The following DNAH9 variants were observed in gnomAD, a reference collection of about 807,000 sequenced individuals.
DNAH9 encodes dynein axonemal heavy chain 9, also known as DNAH9 variant protein.
In DNAH9, 345 loss-of-function variants were observed where a neutral mutation model predicts 471.6. The ratio of observed to expected loss-of-function variants is 0.73; its 90% CI spans 0.67 to 0.80. The LOEUF (loss-of-function observed/expected upper bound fraction) is 0.80. Among genes scored for constraint, DNAH9 ranks in the 30% least tolerant of loss-of-function variants. DNAH9 has a pLI of 0.00. For synonymous variants in DNAH9, 2,093 were observed against 2,123.6 expected, an observed-to-expected ratio of 0.99 and a Z score of 0.40; for missense variants, 5,407 against 5,609.2, an observed-to-expected ratio of 0.96 and a Z score of 1.15.
At chr17:11,849,698 G>A (rs1010974710) in intron 49 of DNAH9, among the ~76,000 whole-genome samples, 4 of 152,138 alleles carry the variant, frequency 2.6e-5, no homozygotes, top group African/African-American at 9.7e-5. Context: ...AACTAATGTG[G>A]CATCATCACA....
intron 10 of DNAH9, among the ~76,000 whole-genome samples, chr17:11,644,141 T>C (rs963061714): frequency 6.6e-6 from 1 of 152,136 alleles, no homozygotes; most frequent in Admixed American, 6.5e-5. Flanking sequence ...CGTTGCACCA[T>C]GTCAACAGGC....
intron 49 of DNAH9, among the ~76,000 whole-genome samples, chr17:11,852,814 G>GTGTGTGTATATATA (rs1169950713): frequency 5.4e-5 from 5 of 92,674 alleles, no homozygotes; most frequent in African/African-American, 7.7e-5. Context: ...GTGTGTGTGT[G>GTGTGTGTATATATA]TATATATATA....
At chr17:11,702,539 G>C (rs989349630) in intron 24 of DNAH9, among the ~76,000 whole-genome samples, 1 of 152,204 alleles carries the variant, frequency 6.6e-6, no homozygotes, top group Non-Finnish European at 1.5e-5. Context: ...AGAGCCAGAG[G>C]AGGAGGAAGG....
At chr17:11,786,706 G>A (rs1968881838) in intron 41 of DNAH9, among the ~76,000 whole-genome samples, 2 of 152,240 alleles carry the variant, frequency 1.3e-5, no homozygotes, top group South Asian at 4.1e-4. Context: ...TGCTGTGGAG[G>A]TAATTCACGG....
chr17:11,925,130 TATGAC>T, intron 62 of DNAH9: 1 of 449,554 alleles, frequency 2.2e-6, no homozygotes. Flanking sequence ...TGGTTTATTT[TATGAC>T]TGTATTCTCC....
intron 36 of DNAH9, among the ~76,000 whole-genome samples, chr17:11,765,649 A>G (rs1967903212): frequency 6.6e-6 from 1 of 152,166 alleles, no homozygotes; most frequent in African/African-American, 2.4e-5. Flanking sequence ...AGGATACATG[A>G]GCCAGGAGTT....
At chr17:11,783,579 C>A in intron 39 of DNAH9, 67 bp from the exon 40 acceptor site, 2 of 1,271,136 alleles carry the variant, frequency 1.6e-6, no homozygotes, top group South Asian at 1.3e-5. Flanking sequence ...TCCTACCGCA[C>A]CTTGACAAAG....
rs545612190 is a variant in DNAH9, at chr17:11,886,848, A to C, written c.10995A>C (p.Glu3665Asp). Residue 3665 changes from glutamate (E) to aspartate (D), a missense_variant, in exon 57 of 69, where the codon GAA becomes GAC. Glu to Asp is a conservative substitution (Grantham distance 45, BLOSUM62 2). Transcript: ENST00000262442. ...EKKVQEAKVT[E>D]VKINEAREHY... ...AGGTCCAGGAGGCCAAGGTGACTGA[A>C]GTGAAAATCAACGAGGCCCGAGAGC... The C allele has an allele frequency of 1.2e-5, 19 of 1,612,142 alleles. No homozygotes were observed. The African/African-American group carries it at 2.0e-4, about 17-fold the overall frequency.
At chr17:11,726,424 A>C (rs901507567) in intron 27 of DNAH9, among the ~76,000 whole-genome samples, 9 of 152,184 alleles carry the variant, frequency 5.9e-5, no homozygotes, top group African/African-American at 2.2e-4. Flanking sequence ...CGGGTTGAAG[A>C]ATGTGTTTCC....
chr17:11,669,357 C>T lies in DNAH9; in HGVS notation c.2929-13C>T. ...ACTGGTGTAACCTGCCTGCCGTTGT[C>T]TCGCTTCCCCAGGTCGACCTGGACG... On this transcript the variant is annotated splice_polypyrimidine_tract_variant and intron_variant, in intron 16 of 68. Transcript: ENST00000262442. The T allele has an allele frequency of 1.2e-6, 2 of 1,604,644 alleles. No homozygotes were observed. The highest frequency in any genetic ancestry group is 1.1e-5 in the South Asian group (1 of 89,548).
In DNAH9 at chr17:11,636,904, C is replaced by G. The variant is rs896834522; in HGVS notation, c.1786+120C>G. 3.3e-6 allele frequency: 3 copies of G among 922,478 alleles called. No homozygotes were observed. The African/African-American group carries it at 4.9e-5, about 15-fold the overall frequency. 57.1% of individuals were successfully genotyped at this position (922,478 alleles called of 1,614,324 possible). A position where few individuals can be genotyped will look rare whatever the true frequency, so the allele number is the denominator to read the frequency against. On this transcript the variant is annotated intron_variant, in intron 9 of 68. Coordinates refer to ENST00000262442, the MANE Select transcript of DNAH9 (RefSeq NM_001372.4). ...CCATACATTCTCAAAAAAGAGCAAG[C>G]ACAACCTTCTTGCTTGAAATTCCAG...
intron 6 of DNAH9, among the ~76,000 whole-genome samples, chr17:11,627,206 T>C (rs2072984896): frequency 6.6e-6 from 1 of 152,208 alleles, no homozygotes; most frequent in African/African-American, 2.4e-5. Flanking sequence ...TAAGTATCTA[T>C]CTTTTTAAGT....
At chr17:11,946,714 C>G (rs907656906) in intron 67 of DNAH9, among the ~76,000 whole-genome samples, 1 of 149,712 alleles carries the variant, frequency 6.7e-6, no homozygotes, top group Non-Finnish European at 1.5e-5. Flanking sequence ...CTTGTACCCT[C>G]TAAATATATA....
At chr17:11,827,672 G>A (rs1334395907) in intron 48 of DNAH9, among the ~76,000 whole-genome samples, 1 of 143,618 alleles carries the variant, frequency 7.0e-6, no homozygotes, top group Non-Finnish European at 1.5e-5. Flanking sequence ...AAAGTCCTTG[G>A]GATCATCCTT....
chr17:11,738,275 A>T (rs951168124), intron 28 of DNAH9, among the ~76,000 whole-genome samples: 2 of 152,192 alleles, frequency 1.3e-5, no homozygotes, highest in Non-Finnish European at 2.9e-5. Flanking sequence ...CACTTCAGCC[A>T]TTACTACAGA....
intron 67 of DNAH9, among the ~76,000 whole-genome samples, chr17:11,946,056 C>T (rs1975108463): frequency 6.6e-6 from 1 of 151,772 alleles, no homozygotes; most frequent in Non-Finnish European, 1.5e-5. Flanking sequence ...AAAAATTAGC[C>T]AGGCGTGGTG....
In DNAH9 at chr17:11,689,964, T is replaced by C. The variant is rs937762438; in HGVS notation, c.4142T>C (p.Ile1381Thr). 6.2e-7 allele frequency: 1 copy of C among 1,613,504 alleles called. No individual in the cohort carries two copies. Residue 1381 changes from isoleucine (I) to threonine (T), a missense_variant, in exon 20 of 69, where the codon ATC (isoleucine) becomes ACC (threonine). Around this residue, in one of 3 missense-constraint regions of DNAH9, gnomAD observed 4,636 missense variants for 4,900.3 expected, o/e 0.95. Transcript: ENST00000262442. ...GTAGCTGAGCTGCAGAATCCAGCCA[T>C]CCGGGAGCGGCACTGGAGGCAGCTG... ...RAVAELQNPAIRERHWRQLMQ... is the reference protein window; with the variant it reads ...RAVAELQNPATRERHWRQLMQ...
At chr17:11,857,583 A>G (rs1971670643) in intron 50 of DNAH9, among the ~76,000 whole-genome samples, 1 of 152,216 alleles carries the variant, frequency 6.6e-6, no homozygotes, top group African/African-American at 2.4e-5. Context: ...AGAATACAGA[A>G]AGTGGGTGGA....
In DNAH9 at chr17:11,784,680, G is replaced by T. The variant is rs1278288769; in HGVS notation, c.8061+141G>T. 5 of 1,211,624 alleles carry T rather than the reference G, an allele frequency of 4.1e-6. No individual in the cohort carries two copies. The African/African-American group carries it at 6.0e-5, about 15-fold the overall frequency. 75.1% of individuals were successfully genotyped at this position (1,211,624 alleles called of 1,614,324 possible). A position where few individuals can be genotyped will look rare whatever the true frequency, so the allele number is the denominator to read the frequency against. ...CATATGTAATCATGAACATAAGCAG[G>T]TACACACAGTGCCATGGGCTCCATG... On this transcript the variant is annotated intron_variant, in intron 41 of 68. Coordinates refer to ENST00000262442, the MANE Select transcript of DNAH9 (RefSeq NM_001372.4).
Sources: allele counts gnomAD v4.1 joint callset (sites outside exome capture counted in the v4.1 genomes callset), GRCh38; gene constraint gnomAD v4.1.1; regional missense constraint gnomAD v4.1.1; transcripts MANE v1.5; gene names NCBI Gene and HGNC (gene_info 2026-07-23, HGNC 2026-07-21).